The following DCLK1 variants were observed in gnomAD, a reference collection of about 807,000 sequenced individuals.
The protein encoded by DCLK1 is doublecortin like kinase 1, also known as serine/threonine-protein kinase DCLK1.
A neutral mutation model predicts 86.2 loss-of-function variants in DCLK1; 16 were observed. That is an observed-to-expected ratio of 0.19 (90% confidence interval 0.13 to 0.28). The LOEUF is 0.28. DCLK1 is among the 10% of genes least tolerant of loss of function. The probability of loss-of-function intolerance (pLI) is 1.00; values close to 1 mark genes in which losing one functional copy is unlikely to be tolerated. For missense variants in DCLK1, 590 were observed against 940.2 expected, an observed-to-expected ratio of 0.63 and a Z score of 4.87; for synonymous variants, 369 against 370.5, an observed-to-expected ratio of 1.00 and a Z score of 0.05.
intron 11 of DCLK1, among the ~76,000 whole-genome samples, chr13:35,819,872 C>T (rs1256536808): frequency 6.6e-6 from 1 of 151,786 alleles, no homozygotes; most frequent in Non-Finnish European, 1.5e-5. Context: ...TTTTTAATTA[C>T]AAAGAAAGGG....
intron 8 of DCLK1, among the ~76,000 whole-genome samples, chr13:35,833,172 A>C (rs1334630782): frequency 1.3e-5 from 2 of 152,058 alleles, no homozygotes; most frequent in Non-Finnish European, 2.9e-5. Context: ...ATTTTAATTC[A>C]TCTCTGGTGC....
At chr13:35,842,942 T>C (rs535468874) in intron 6 of DCLK1, among the ~76,000 whole-genome samples, 1 of 152,324 alleles carries the variant, frequency 6.6e-6, no homozygotes, top group South Asian at 2.1e-4. Context: ...TAGACCCTGC[T>C]GGAACATTTC....
intron 4 of DCLK1, among the ~76,000 whole-genome samples, chr13:35,908,852 T>C (rs1874830407): frequency 6.6e-6 from 1 of 152,154 alleles, no homozygotes; most frequent in African/African-American, 2.4e-5. Flanking sequence ...GCCAGGCTGG[T>C]CTTGAACTCC....
At chr13:35,848,975 A>G in intron 6 of DCLK1, 1 of 985,368 alleles carries the variant, frequency 1.0e-6, no homozygotes, top group Non-Finnish European at 1.2e-6. Context: ...AAACAGTTTT[A>G]AAACCTGAAG....
chr13:36,094,185 T>C (rs544573798), intron 3 of DCLK1, among the ~76,000 whole-genome samples: 2 of 152,340 alleles, frequency 1.3e-5, no homozygotes, highest in African/African-American at 4.8e-5. Context: ...CCACAAATCA[T>C]CTTGTTTAGT....
At chr13:36,000,950 ATT>A (rs11449048) in intron 3 of DCLK1, among the ~76,000 whole-genome samples, 34 of 146,590 alleles carry the variant, frequency 2.3e-4, no homozygotes, top group Admixed American at 4.8e-4. Context: ...TGCATAACTG[ATT>A]TTTTTTTTTT....
intron 5 of DCLK1, among the ~76,000 whole-genome samples, chr13:35,865,896 G>C (rs1413930509): frequency 6.6e-6 from 1 of 152,152 alleles, no homozygotes; most frequent in East Asian, 1.9e-4. Context: ...CTGGAACGCT[G>C]GTGCCAAGGG....
intron 6 of DCLK1, chr13:35,850,675 A>T (rs370587866): frequency 1.1e-5 from 17 of 1,503,290 alleles, no homozygotes; most frequent in Non-Finnish European, 1.4e-5. Context: ...GAAATGTGAA[A>T]CCTTCACCCA....
intron 3 of DCLK1, among the ~76,000 whole-genome samples, chr13:35,985,959 T>G (rs1879882844): frequency 6.6e-6 from 1 of 152,078 alleles, no homozygotes; most frequent in Admixed American, 6.6e-5. Context: ...ACAATCGTAA[T>G]CAGAGAGTGG....
intron 8 of DCLK1, among the ~76,000 whole-genome samples, chr13:35,831,711 C>G (rs1868980485): frequency 6.6e-6 from 1 of 152,096 alleles, no homozygotes; most frequent in Admixed American, 6.5e-5. Flanking sequence ...TTACAGAACC[C>G]TCTTTACCAC....
At chr13:35,952,761 A>G in intron 3 of DCLK1, among the ~76,000 whole-genome samples, 2 of 152,138 alleles carry the variant, frequency 1.3e-5, no homozygotes, top group East Asian at 1.9e-4. Context: ...TCTAACTCCA[A>G]TGTTGAATTT....
At chr13:35,962,382 G>A (rs763679368) in intron 3 of DCLK1, among the ~76,000 whole-genome samples, 22 of 152,214 alleles carry the variant, frequency 1.4e-4, no homozygotes, top group Non-Finnish European at 2.8e-4. Flanking sequence ...GAGGTTGGAA[G>A]ATGCTTCCGT....
chr13:35,857,124 A>T (rs1169358229), intron 5 of DCLK1, among the ~76,000 whole-genome samples: 1 of 152,200 alleles, frequency 6.6e-6, no homozygotes, highest in Non-Finnish European at 1.5e-5. Flanking sequence ...GGGATGCAGC[A>T]TTGGTGGTGA....
In DCLK1 at chr13:36,131,339, G is replaced by C. The variant is rs899559077; in HGVS notation, c.-245C>G. 3.6e-5 allele frequency: 6 copies of C among 165,940 alleles called. No homozygotes were observed. Among genetic ancestry groups the C allele is most frequent in the South Asian group, 2.8e-4 (2 of 7,206 alleles). 10.3% of individuals were successfully genotyped at this position (165,940 alleles called of 1,614,324 possible). On this transcript the variant is annotated 5_prime_UTR_variant, in exon 1 of 17. Transcript: ENST00000360631. ...CGTCCTCATTGAAATGCGGCGCTTC[G>C]CACAGCCTCACTCCAGCCTCTCTCT...
chr13:36,081,498 T>C (rs1377055619), intron 3 of DCLK1, among the ~76,000 whole-genome samples: 2 of 152,216 alleles, frequency 1.3e-5, no homozygotes, highest in East Asian at 1.9e-4. Context: ...GCCAATTAGA[T>C]GGCTTTGAAA....
chr13:35,907,986 C>G (rs1163354154), intron 4 of DCLK1, among the ~76,000 whole-genome samples: 2 of 150,938 alleles, frequency 1.3e-5, no homozygotes, highest in African/African-American at 2.4e-5. Context: ...ATTTTTTTTC[C>G]TCCTTGTTCT....
At chr13:35,872,847 G>C (rs937532061) in intron 4 of DCLK1, among the ~76,000 whole-genome samples, 2 of 151,646 alleles carry the variant, frequency 1.3e-5, no homozygotes, top group East Asian at 3.9e-4. Flanking sequence ...ACATAGCCAG[G>C]TTTTTGTTTG....
chr13:35,862,317 C>T (rs1871460798), intron 5 of DCLK1, among the ~76,000 whole-genome samples: 1 of 152,198 alleles, frequency 6.6e-6, no homozygotes, highest in South Asian at 2.1e-4. Flanking sequence ...ATCCAACAAA[C>T]CTGCTTCCTA....
chr13:36,003,793 T>C (rs12429804), intron 3 of DCLK1, among the ~76,000 whole-genome samples: 55,291 of 152,122 alleles, frequency 0.36, 11,235 homozygotes, highest in Non-Finnish European at 0.45. Flanking sequence ...CCTGAAAAGA[T>C]TGGAAGGACT....
Sources: gnomAD v4.1 joint callset for allele counts (sites outside exome capture counted in the v4.1 genomes callset) on GRCh38, gnomAD v4.1.1 for gene constraint, MANE v1.5 for transcripts, NCBI Gene and HGNC (gene_info 2026-07-23, HGNC 2026-07-21) for gene names.